Variants in RSBN1L observed in about 807,000 individuals in gnomAD.
The protein encoded by RSBN1L is round spermatid basic protein 1 like, also known as lysine-specific demethylase RSBN1L.
In RSBN1L, 30 loss-of-function variants were observed where a neutral mutation model predicts 67.7. The observed-to-expected ratio is 0.44, with a 90% CI of 0.33 to 0.60. The LOEUF (loss-of-function observed/expected upper bound fraction) is 0.60. RSBN1L is among the 20% of genes least tolerant of loss of function. The pLI is 0.02. For missense variants in RSBN1L, 992 were observed against 1,031.7 expected (o/e 0.96, Z 0.53); for synonymous variants, 433 against 387.0 (o/e 1.12, Z -1.39).
chr7:77,725,819 ACCTCAGGTCATCCGCCTGCCTC>A (rs1791195587), intron 1 of RSBN1L, among the ~76,000 whole-genome samples: 1 of 149,732 alleles, frequency 6.7e-6, no homozygotes, highest in Admixed American at 6.7e-5. Flanking sequence ...GGAACTCCTG[ACCTCAGGTCATCCGCCTGCCTC>A]CCAAAGTGCT....
chr7:77,765,581 A>C lies in RSBN1L; in HGVS notation c.1431A>C (p.Gly477=). Residue 477 remains glycine (G), a synonymous_variant, in exon 4 of 8, where the codon GGA becomes GGC. Coordinates refer to ENST00000334955, the MANE Select transcript of RSBN1L (RefSeq NM_198467.3). ...TGGGAGCAGTTGATGAAGAAGTAGG[A>C]GATTATTTCCCTGAGTTCCTTGACA... is the stretch of plus-strand genomic sequence containing the variant. ...SLVGAVDEEV[G]DYFPEFLDML... is the part of the protein sequence containing the mutation. The C allele has an allele frequency of 6.2e-7, 1 of 1,610,678 alleles. No homozygotes were observed. The highest frequency in any genetic ancestry group is 8.5e-7 in the Non-Finnish European group (1 of 1,177,818).
intron 3 of RSBN1L, among the ~76,000 whole-genome samples, chr7:77,759,373 T>C (rs917110087): frequency 1.3e-5 from 2 of 152,214 alleles, no homozygotes; most frequent in African/African-American, 2.4e-5. Context: ...GATAATACTT[T>C]CGTTCTTATT....
intron 4 of RSBN1L, chr7:77,768,395 A>G (rs1263240417): frequency 3.3e-6 from 1 of 306,584 alleles, no homozygotes; most frequent in African/African-American, 2.1e-5. Flanking sequence ...GAAGAATAAC[A>G]AATGATGAAT....
chr7:77,779,422 T>G lies in RSBN1L; in HGVS notation c.*254T>G, dbSNP rs1172675334. ...ATCATTTACGTTGGAATTTTAGGTT[T>G]TAGAATAGAGCTGACATTAACATAT... On this transcript the variant is annotated 3_prime_UTR_variant, in exon 8 of 8. Transcript: ENST00000334955. 1 of 197,126 alleles carries G rather than the reference T, an allele frequency of 5.1e-6. No homozygotes were observed. The highest frequency in any genetic ancestry group is 2.5e-5 in the African/African-American group (1 of 40,484). The allele number at this position is 197,126 out of a possible 1,614,324, so 12.2% of individuals were successfully genotyped here. A position where few individuals can be genotyped will look rare whatever the true frequency, so the allele number is the denominator to read the frequency against.
At chr7:77,705,552 C>A (rs1024666047) in intron 1 of RSBN1L, among the ~76,000 whole-genome samples, 2 of 121,938 alleles carry the variant, frequency 1.6e-5, no homozygotes, top group African/African-American at 6.8e-5. Flanking sequence ...TGCTCTGTTG[C>A]CCAGGCTGGA....
Position 77,765,591 on chromosome 7 carries a change from C to G in RSBN1L, c.1441C>G (p.Pro481Ala), listed in dbSNP as rs759211423. Residue 481 changes from proline to alanine, a missense_variant, in exon 4 of 8, where the codon CCT (proline) becomes GCT (alanine). By Grantham distance (27) the Pro-to-Ala change is conservative. Transcript: ENST00000334955. ...TGATGAAGAAGTAGGAGATTATTTC[C>G]CTGAGTTCCTTGACATGTTGGAAGA... ...AVDEEVGDYFPEFLDMLEESP... is the reference protein window; with the variant it reads ...AVDEEVGDYFAEFLDMLEESP... 1.9e-6 allele frequency: 3 copies of G among 1,609,138 alleles called. No homozygotes were observed. The highest frequency in any genetic ancestry group is 2.5e-6 in the Non-Finnish European group (3 of 1,177,104).
At chr7:77,770,525 A>T (rs10275040) in intron 5 of RSBN1L, among the ~76,000 whole-genome samples, 83,787 of 151,886 alleles carry the variant, frequency 0.55, 25,178 homozygotes, top group African/African-American at 0.81. Flanking sequence ...TACAAAATAA[A>T]TTTAAAAATT....
At chr7:77,740,075 A>C (rs1267392872) in intron 2 of RSBN1L, among the ~76,000 whole-genome samples, 1 of 152,020 alleles carries the variant, frequency 6.6e-6, no homozygotes, top group East Asian at 1.9e-4. Context: ...CTGACTGGAA[A>C]TACACACAAA....
intron 1 of RSBN1L, among the ~76,000 whole-genome samples, chr7:77,723,423 G>A (rs1034408062): frequency 1.3e-5 from 2 of 152,048 alleles, no homozygotes; most frequent in East Asian, 1.9e-4. Flanking sequence ...AATAAATAAT[G>A]TATGTGTGTA....
chr7:77,777,080 C>T (rs1216024956), intron 6 of RSBN1L, among the ~76,000 whole-genome samples: 3 of 150,750 alleles, frequency 2.0e-5, no homozygotes, highest in Admixed American at 1.3e-4. Context: ...TCAGTATTGT[C>T]AACTTACCAC....
intron 2 of RSBN1L, among the ~76,000 whole-genome samples, chr7:77,738,853 C>A (rs4727482): frequency 3.3e-5 from 5 of 151,948 alleles, no homozygotes; most frequent in African/African-American, 9.7e-5. Flanking sequence ...GCATGTGAAT[C>A]GCTTGAACCC....
At chr7:77,705,819 AT>A (rs1200044528) in intron 1 of RSBN1L, among the ~76,000 whole-genome samples, 1 of 151,926 alleles carries the variant, frequency 6.6e-6, no homozygotes, top group East Asian at 1.9e-4. Context: ...GTTCATTTTT[AT>A]ATTTGCATTT....
chr7:77,783,021 C>T lies in RSBN1L; in HGVS notation c.*3853C>T, dbSNP rs181925085. ...CAATAAATACTAAAATTGATAACCA[C>T]AGTCTTTTTACTTTTGTAATTATTT... On this transcript the variant is annotated 3_prime_UTR_variant, in exon 8 of 8. Coordinates refer to ENST00000334955, the MANE Select transcript of RSBN1L (RefSeq NM_198467.3). 2.6e-4 allele frequency: 40 copies of T among 152,300 alleles called. No homozygotes were observed. In the East Asian group the frequency reaches 6.9e-3, roughly 26 times the overall value. The allele number at this position is 152,300 out of a possible 1,614,324, so 9.4% of individuals were successfully genotyped here.
At chr7:77,762,965 C>T (rs1791714578) in intron 3 of RSBN1L, among the ~76,000 whole-genome samples, 1 of 151,986 alleles carries the variant, frequency 6.6e-6, no homozygotes, top group African/African-American at 2.4e-5. Flanking sequence ...AGATAAACTG[C>T]CCAAATTATT....
intron 2 of RSBN1L, among the ~76,000 whole-genome samples, chr7:77,742,020 T>TA (rs1277416999): frequency 1.3e-5 from 2 of 151,916 alleles, no homozygotes; most frequent in African/African-American, 2.4e-5. Flanking sequence ...TGGTTGTACT[T>TA]ATGGCTATGA....
Position 77,780,357 on chromosome 7 carries a change from A to G in RSBN1L, c.*1189A>G, listed in dbSNP as rs539184230. ...TTAGGTAATAGAAACAGTTTTAGAA[A>G]GTTGGGAGAAACAAGGTATGTTAAT... On this transcript the variant is annotated 3_prime_UTR_variant, in exon 8 of 8. Coordinates refer to ENST00000334955, the MANE Select transcript of RSBN1L (RefSeq NM_198467.3). 1.3e-5 allele frequency: 2 copies of G among 152,314 alleles called. No homozygotes were observed. The highest frequency in any genetic ancestry group is 3.9e-4 in the East Asian group (2 of 5,192). 9.4% of individuals were successfully genotyped at this position (152,314 alleles called of 1,614,324 possible). A position where few individuals can be genotyped will look rare whatever the true frequency, so the allele number is the denominator to read the frequency against.
chr7:77,737,255 G>A (rs143223079), intron 2 of RSBN1L, among the ~76,000 whole-genome samples: 2 of 152,256 alleles, frequency 1.3e-5, no homozygotes, highest in East Asian at 1.9e-4. Flanking sequence ...GACAACTAGC[G>A]AATTCACTAG....
At chr7:77,751,448 A>T (rs6980016) in intron 3 of RSBN1L, among the ~76,000 whole-genome samples, 17,499 of 152,192 alleles carry the variant, frequency 0.11, 1,529 homozygotes, top group African/African-American at 0.24. Flanking sequence ...CCTGGAAAAT[A>T]ATTTTTAATG....
At chr7:77,769,631 A>C (rs28410324) in intron 5 of RSBN1L, among the ~76,000 whole-genome samples, 3,713 of 152,318 alleles carry the variant, frequency 0.024, 145 homozygotes, top group African/African-American at 0.084. Context: ...ATGAGGTTCA[A>C]AATTATGATA....
Sources: gnomAD v4.1 joint callset for allele counts (sites outside exome capture counted in the v4.1 genomes callset) on GRCh38, gnomAD v4.1.1 for gene constraint, MANE v1.5 for transcripts, NCBI Gene and HGNC (gene_info 2026-07-23, HGNC 2026-07-21) for gene names.